PREX1: variants seen among roughly 807,000 people sequenced by gnomAD.
PREX1 encodes the protein phosphatidylinositol-3,4,5-trisphosphate dependent Rac exchange factor 1.
Under a neutral mutation model 198.3 loss-of-function variants are expected in PREX1, and 41 were observed. The observed-to-expected ratio is 0.21, with a 90% CI of 0.16 to 0.27. The LOEUF (loss-of-function observed/expected upper bound fraction) is 0.27, where lower values mean the gene tolerates loss of function less well. Ranked by LOEUF, PREX1 falls within the 10% of genes least tolerant of loss-of-function variation. The pLI is 1.00. For missense variants in PREX1, 1,620 were observed against 2,200.7 expected, an observed-to-expected ratio of 0.74 and a Z score of 5.28; for synonymous variants, 843 against 887.2, an observed-to-expected ratio of 0.95 and a Z score of 0.89.
chr20:48,862,807 A>ATATATATATATG, the PREX1 span, among the ~76,000 whole-genome samples: 43 of 126,630 alleles, frequency 3.4e-4, no homozygotes, highest in African/African-American at 1.2e-3. Flanking sequence ...ATATATATAT[A>ATATATATATATG]TATATACTAA....
At chr20:48,630,003 C>T (rs1395221666) in intron 36 of PREX1, among the ~76,000 whole-genome samples, 1 of 152,192 alleles carries the variant, frequency 6.6e-6, no homozygotes, top group Non-Finnish European at 1.5e-5. Context: ...CCAGCATTCC[C>T]TGACCCCCAC....
intron 3 of PREX1, among the ~76,000 whole-genome samples, chr20:48,739,245 C>G (rs1568845594): frequency 6.6e-6 from 1 of 152,186 alleles, no homozygotes; most frequent in Non-Finnish European, 1.5e-5. Flanking sequence ...TCCAGACCAC[C>G]CTCCCCAAGA....
Position 48,787,721 on chromosome 20 carries a change from A to G in PREX1, c.220-39841T>C, listed in dbSNP as rs2090319813. ...AGAAGAAGGACTAAGGAAACCCCTA[A>G]AGAAGTCTGGTTGCAAAATGTTCTG... On this transcript the variant is annotated intron_variant, in intron 1 of 39. Transcript: ENST00000371941. Among the ~76,000 whole-genome samples the G allele has an allele frequency of 2.6e-5, 4 of 152,212 alleles. No homozygotes were observed. The South Asian group carries it at 8.3e-4, about 32-fold the overall frequency.
intron 39 of PREX1, 140 bp downstream of exon 39, chr20:48,627,408 C>T (rs1437002749): frequency 1.2e-5 from 11 of 934,878 alleles, no homozygotes; most frequent in Non-Finnish European, 1.8e-5. Context: ...GTGTCTGTTG[C>T]TCCTCAAAGA....
At position 48,653,634 on chromosome 20, in the gene PREX1, G is replaced by A. The variant is rs542119929; in HGVS notation, c.2210-137C>T. On this transcript the variant is annotated intron_variant, in intron 19 of 39. Transcript: ENST00000371941. ...CCTCCACCCCTCCCACCCCAGAGCCGCCCTCTGACACTCCAGTGCAAAGAA... is the reference window on the plus strand; with the variant it reads ...CCTCCACCCCTCCCACCCCAGAGCCACCCTCTGACACTCCAGTGCAAAGAA... 5.8e-4 allele frequency: 615 copies of A among 1,059,732 alleles called. 2 individuals are homozygous for A. Among genetic ancestry groups the A allele is most frequent in the South Asian group, 1.7e-3 (103 of 61,754 alleles). 65.6% of individuals were successfully genotyped at this position (1,059,732 alleles called of 1,614,324 possible).
In PREX1 at chr20:48,659,426, G is replaced by A. The variant is rs901883422; in HGVS notation, c.1881+493C>T. 3.3e-5 allele frequency among the ~76,000 whole-genome samples: 5 copies of A among 152,014 alleles called. No individual in the cohort carries two copies. In the South Asian group the frequency reaches 6.2e-4, roughly 19 times the overall value. On this transcript the variant is annotated intron_variant, in intron 16 of 39. Coordinates refer to ENST00000371941, the MANE Select transcript of PREX1 (RefSeq NM_020820.4). ...CTAAGTGTGACGGGAAGCATTGGGGGACTTTACAGTGAGGGGCATGAAATC... is the reference window on the plus strand; with the variant it reads ...CTAAGTGTGACGGGAAGCATTGGGGAACTTTACAGTGAGGGGCATGAAATC...
At chr20:48,870,515 C>T in the PREX1 span, among the ~76,000 whole-genome samples, 105 of 152,348 alleles carry the variant, frequency 6.9e-4, 2 homozygotes, top group South Asian at 0.015. Flanking sequence ...TGCAAAGTCA[C>T]GTGGAGCCTT....
chr20:48,819,499 C>G (rs1458678605), intron 1 of PREX1, among the ~76,000 whole-genome samples: 1 of 152,234 alleles, frequency 6.6e-6, no homozygotes, highest in Non-Finnish European at 1.5e-5. Flanking sequence ...ACAAACATCA[C>G]CTCATTTTAT....
chr20:48,718,115 C>T (rs1401219442), intron 5 of PREX1, among the ~76,000 whole-genome samples: 1 of 152,210 alleles, frequency 6.6e-6, no homozygotes, highest in Non-Finnish European at 1.5e-5. Flanking sequence ...GTTTCCTGCA[C>T]GTGCCCTGCA....
intron 1 of PREX1, among the ~76,000 whole-genome samples, chr20:48,826,056 C>G (rs1047003392): frequency 1.3e-5 from 2 of 152,026 alleles, no homozygotes; most frequent in Non-Finnish European, 2.9e-5. Context: ...AGGCTGTCTC[C>G]TCCCTGAGCT....
chr20:48,712,616 A>C (rs2089937334), intron 5 of PREX1, among the ~76,000 whole-genome samples: 1 of 152,204 alleles, frequency 6.6e-6, no homozygotes, highest in Admixed American at 6.5e-5. Flanking sequence ...CTCTATCTCT[A>C]TTCTTGCTCT....
intron 7 of PREX1, among the ~76,000 whole-genome samples, chr20:48,700,450 A>T (rs1432209717): frequency 2.0e-5 from 3 of 152,370 alleles, no homozygotes; most frequent in South Asian, 2.1e-4. Context: ...TAATTTTTTT[A>T]AATAATAATT....
chr20:48,803,268 C>T (rs78353492), intron 1 of PREX1, among the ~76,000 whole-genome samples: 10,456 of 152,164 alleles, frequency 0.069, 516 homozygotes, highest in African/African-American at 0.14. Context: ...AGAAAAAGCA[C>T]TGAGGCCCAT....
At position 48,632,294 on chromosome 20, in the gene PREX1, C is replaced by A; in HGVS notation, c.4509G>T (p.Gln1503His). 2 of 1,614,118 alleles carry A rather than the reference C, an allele frequency of 1.2e-6. No homozygotes were observed. The highest frequency in any genetic ancestry group is 2.7e-5 in the African/African-American group (2 of 75,066). The change falls in exon 35 of 40, where the codon CAG becomes CAT. Residue 1503 changes from glutamine (Q) to histidine (H), a missense_variant. Gln to His is a conservative substitution (Grantham distance 24). Coordinates refer to ENST00000371941, the MANE Select transcript of PREX1 (RefSeq NM_020820.4). ...GCGGATACCTGAGTTTGCGGTAATA[C>A]TGCTGAACTTTCTCCAGGGACTGCG... ...INAQSLEKVQ[Q>H]YYRKLRAFYL... is the part of the protein sequence containing the mutation.
At chr20:48,662,894 C>T (rs764745688) in intron 15 of PREX1, among the ~76,000 whole-genome samples, 1 of 152,246 alleles carries the variant, frequency 6.6e-6, no homozygotes. Context: ...CAGCCAGCAG[C>T]CTTCCCGGAA....
chr20:48,644,541 G>A (rs760899982), intron 26 of PREX1, 44 bp from the exon 27 acceptor site: 1 of 1,572,200 alleles, frequency 6.4e-7, no homozygotes, highest in Non-Finnish European at 8.7e-7. Flanking sequence ...CCTGAGCTCA[G>A]GCCATCTGGT....
At chr20:48,630,820 CG>C (rs2089308278) in intron 35 of PREX1, 26 bp from the exon 36 acceptor site, 4 of 1,517,428 alleles carry the variant, frequency 2.6e-6, no homozygotes, top group East Asian at 2.3e-5. Flanking sequence ...GGGAATGAGG[CG>C]GGGGCCACCA....
chr20:48,708,419 C>A lies in PREX1; in HGVS notation c.624G>T (p.Glu208Asp). The A allele has an allele frequency of 6.2e-7, 1 of 1,614,048 alleles. No individual in the cohort carries two copies. Among genetic ancestry groups the A allele is most frequent in the Non-Finnish European group, 8.5e-7 (1 of 1,179,964 alleles). Reference protein sequence around the residue: ...RICKYPLLLKELAKRTPGKHP... With the variant: ...RICKYPLLLKDLAKRTPGKHP... ...GCTTGCCGGGAGTCCTCTTGGCCAG[C>A]TCCTGGGGTAGAATAGAGGTGGGGA... The change falls in exon 6 of 40, where the codon GAG becomes GAT. Residue 208 changes from glutamate to aspartate, a missense_variant and splice_region_variant. By Grantham distance (45) the Glu-to-Asp change is conservative. This residue lies in a region of PREX1 where 488 missense variants were observed against 802.5 expected (regional missense o/e 0.61). Transcript: ENST00000371941.
At chr20:48,695,839 T>C (rs530941703) in intron 7 of PREX1, among the ~76,000 whole-genome samples, 5 of 152,356 alleles carry the variant, frequency 3.3e-5, no homozygotes, top group African/African-American at 1.2e-4. Flanking sequence ...TTGTAGGCCA[T>C]ATGGTCTCTG....
Sources: allele counts gnomAD v4.1 joint callset (sites outside exome capture counted in the v4.1 genomes callset), GRCh38; gene constraint gnomAD v4.1.1; regional missense constraint gnomAD v4.1.1; transcripts MANE v1.5; gene names NCBI Gene and HGNC (gene_info 2026-07-23, HGNC 2026-07-21).